CKS2: variants seen among roughly 807,000 people sequenced by gnomAD.
CKS2 encodes the protein cyclin-dependent kinases regulatory subunit 2.
Under a neutral mutation model 14.3 loss-of-function variants are expected in CKS2, and 4 were observed. The ratio of observed to expected loss-of-function variants is 0.28; its 90% CI spans 0.14 to 0.64. The LOEUF (loss-of-function observed/expected upper bound fraction) is 0.64, where lower values mean the gene tolerates loss of function less well. CKS2 is among the 30% of genes least tolerant of loss of function. CKS2 has a pLI of 0.83. For synonymous variants in CKS2, 33 were observed against 28.7 expected (o/e 1.15, Z -0.48); for missense variants, 71 against 94.3 (o/e 0.75, Z 1.02).
intron 2 of CKS2, among the ~76,000 whole-genome samples, chr9:89,315,750 T>C (rs1473043234): frequency 6.6e-6 from 1 of 152,182 alleles, no homozygotes; most frequent in Non-Finnish European, 1.5e-5. Flanking sequence ...ATGGGTACCT[T>C]ATGCTATTAT....
Position 89,311,221 on chromosome 9 carries a change from G to A in CKS2, c.-72G>A, listed in dbSNP as rs1294340845. ...TTAGTCTCCGGCGAGTTGTTGCCTG[G>A]GCTGGACGTGGTTTTGTCTGCTGCG... On this transcript the variant is annotated 5_prime_UTR_variant, in exon 1 of 3. Transcript: ENST00000314355. The A allele has an allele frequency of 2.3e-6, 3 of 1,294,554 alleles. No individual in the cohort carries two copies. The highest frequency in any genetic ancestry group is 2.5e-5 in the South Asian group (2 of 81,568). The allele number at this position is 1,294,554 out of a possible 1,614,324, so 80.2% of individuals were successfully genotyped here.
rs886583945 is a variant in CKS2, at chr9:89,316,512, C to T, written c.*87C>T. 3.8e-5 allele frequency: 32 copies of T among 849,246 alleles called. No individual in the cohort carries two copies. The highest frequency in any genetic ancestry group is 5.6e-5 in the Non-Finnish European group (29 of 514,974). The allele number at this position is 849,246 out of a possible 1,614,324, so 52.6% of individuals were successfully genotyped here. A position where few individuals can be genotyped will look rare whatever the true frequency, so the allele number is the denominator to read the frequency against. On this transcript the variant is annotated 3_prime_UTR_variant, in exon 3 of 3. Transcript: ENST00000314355. ...ATTCAGTGAATACTTGAGAAATGTA[C>T]AAATCTTTCATCCATACCTGTGCAT...
intron 2 of CKS2, among the ~76,000 whole-genome samples, chr9:89,315,916 A>G (rs1427311762): frequency 6.6e-6 from 1 of 152,230 alleles, no homozygotes; most frequent in Non-Finnish European, 1.5e-5. Context: ...TTGAAGACAT[A>G]CTATAGAAGC....
chr9:89,315,070 A>C (rs1824682760), intron 1 of CKS2, 100 bp from the exon 2 acceptor site: 1 of 969,916 alleles, frequency 1.0e-6, no homozygotes, highest in Admixed American at 2.6e-5. Flanking sequence ...AGTAGATTGC[A>C]GTTCTCAATA....
intron 2 of CKS2, 104 bp from the exon 3 acceptor site, chr9:89,316,269 T>C: frequency 6.8e-6 from 5 of 737,922 alleles, no homozygotes; most frequent in Non-Finnish European, 1.2e-5. Flanking sequence ...CAATTAATAG[T>C]GGACTTAGTT....
intron 2 of CKS2, 44 bp from the exon 3 acceptor site, chr9:89,316,329 A>G: frequency 8.0e-7 from 1 of 1,248,362 alleles, no homozygotes; most frequent in African/African-American, 1.5e-5. Context: ...TGTTGAGTAT[A>G]TGAAAATCAT....
intron 2 of CKS2, among the ~76,000 whole-genome samples, chr9:89,316,080 A>G (rs774336902): frequency 6.6e-5 from 10 of 152,200 alleles, no homozygotes; most frequent in Non-Finnish European, 1.0e-4. Flanking sequence ...GAAGAACTTA[A>G]GTGTAGATTT....
At chr9:89,316,240 C>T (rs868412905) in intron 2 of CKS2, 133 bp from the exon 3 acceptor site, 18 of 613,854 alleles carry the variant, frequency 2.9e-5, no homozygotes, top group African/African-American at 1.9e-5. Flanking sequence ...AAAAAAAAAT[C>T]ATTTTGGATA....
In CKS2 at chr9:89,316,494, G is replaced by A; in HGVS notation, c.*69G>A. On this transcript the variant is annotated 3_prime_UTR_variant, in exon 3 of 3. Transcript: ENST00000314355. Reference sequence around the variant, plus strand: ...ATGTGTATATAAGGTAGTATTCAGTGAATACTTGAGAAATGTACAAATCTT... The same window carrying A: ...ATGTGTATATAAGGTAGTATTCAGTAAATACTTGAGAAATGTACAAATCTT... The A allele has an allele frequency of 1.1e-6, 1 of 925,772 alleles. No homozygotes were observed. The allele number at this position is 925,772 out of a possible 1,614,324, so 57.3% of individuals were successfully genotyped here.
At position 89,311,196 on chromosome 9, in the gene CKS2, T is replaced by C; in HGVS notation, c.-97T>C. On this transcript the variant is annotated 5_prime_UTR_variant, in exon 1 of 3. Coordinates refer to ENST00000314355, the MANE Select transcript of CKS2 (RefSeq NM_001827.3). The stretch of plus-strand genomic sequence containing the variant: ...ATCCGGATCGTTGGGACTGCGGTCG[T>C]TAGTCTCCGGCGAGTTGTTGCCTGG... 2.1e-6 allele frequency: 2 copies of C among 961,742 alleles called. No homozygotes were observed. The highest frequency in any genetic ancestry group is 3.2e-6 in the Non-Finnish European group (2 of 617,670). 59.6% of individuals were successfully genotyped at this position (961,742 alleles called of 1,614,324 possible).
At position 89,311,220 on chromosome 9, in the gene CKS2, G is replaced by C. The variant is rs1238169166; in HGVS notation, c.-73G>C. ...GTTAGTCTCCGGCGAGTTGTTGCCT[G>C]GGCTGGACGTGGTTTTGTCTGCTGC... On this transcript the variant is annotated 5_prime_UTR_variant, in exon 1 of 3. Transcript: ENST00000314355. 1.3e-5 allele frequency: 17 copies of C among 1,281,694 alleles called. No homozygotes were observed. The highest frequency in any genetic ancestry group is 4.9e-5 in the East Asian group (2 of 40,764). The allele number at this position is 1,281,694 out of a possible 1,614,324, so 79.4% of individuals were successfully genotyped here.
chr9:89,316,521 C>T lies in CKS2; in HGVS notation c.*96C>T, dbSNP rs1035120980. ...ATACTTGAGAAATGTACAAATCTTTCATCCATACCTGTGCATGAGCTGTAT... is the reference window on the plus strand; with the variant it reads ...ATACTTGAGAAATGTACAAATCTTTTATCCATACCTGTGCATGAGCTGTAT... On this transcript the variant is annotated 3_prime_UTR_variant, in exon 3 of 3. Coordinates refer to ENST00000314355, the MANE Select transcript of CKS2 (RefSeq NM_001827.3). 4.2e-5 allele frequency: 32 copies of T among 766,384 alleles called. No homozygotes were observed. The highest frequency in any genetic ancestry group is 6.7e-5 in the Non-Finnish European group (30 of 447,248). The allele number at this position is 766,384 out of a possible 1,614,324, so 47.5% of individuals were successfully genotyped here.
At chr9:89,314,550 C>T (rs1824673854) in intron 1 of CKS2, among the ~76,000 whole-genome samples, 1 of 152,168 alleles carries the variant, frequency 6.6e-6, no homozygotes, top group South Asian at 2.1e-4. Flanking sequence ...CATACAAGGA[C>T]TAGTAGCTAC....
At chr9:89,315,350 A>G (rs891561742) in intron 2 of CKS2, 53 bp downstream of exon 2, 119 of 1,411,370 alleles carry the variant, frequency 8.4e-5, no homozygotes, top group Non-Finnish European at 1.0e-4. Flanking sequence ...ATTGGTGGTT[A>G]TGGTTGTCAA....
chr9:89,315,406 G>T (rs1301731963), intron 2 of CKS2, 109 bp downstream of exon 2: 3 of 963,860 alleles, frequency 3.1e-6, no homozygotes, highest in East Asian at 3.2e-5. Flanking sequence ...GAAAGTAACT[G>T]TTCTGATAAG....
At chr9:89,311,452 G>T (rs1260120758) in intron 1 of CKS2, 101 bp downstream of exon 1, 4 of 805,668 alleles carry the variant, frequency 5.0e-6, no homozygotes, top group Non-Finnish European at 7.4e-6. Context: ...GCCGGGGCCT[G>T]GGGGGCGGAG....
Position 89,316,447 on chromosome 9 carries a change from A to G in CKS2, c.*22A>G, listed in dbSNP as rs778794322. ...ATGAAGTTTATCTGGGGATCGTCAA[A>G]TCTTTTTCAAATTTAATGTATATGT... On this transcript the variant is annotated 3_prime_UTR_variant, in exon 3 of 3. Coordinates refer to ENST00000314355, the MANE Select transcript of CKS2 (RefSeq NM_001827.3). 2.0e-6 allele frequency: 3 copies of G among 1,491,724 alleles called. No individual in the cohort carries two copies. Among genetic ancestry groups the G allele is most frequent in the South Asian group, 1.2e-5 (1 of 86,004 alleles). The allele number at this position is 1,491,724 out of a possible 1,614,324, so 92.4% of individuals were successfully genotyped here. A position where few individuals can be genotyped will look rare whatever the true frequency, so the allele number is the denominator to read the frequency against.
At chr9:89,311,395 GCCC>G (rs1309362777) in intron 1 of CKS2, 44 bp downstream of exon 1, 2 of 1,528,086 alleles carry the variant, frequency 1.3e-6, no homozygotes, top group Admixed American at 3.8e-5. Flanking sequence ...CTCAGCCGGG[GCCC>G]CCGCGGGCGG....
In CKS2 at chr9:89,311,216, G is replaced by C. The variant is rs541610603; in HGVS notation, c.-77G>C. 39 of 1,224,886 alleles carry C rather than the reference G, an allele frequency of 3.2e-5. 1 individual carries two copies. The highest frequency in any genetic ancestry group is 2.4e-4 in the African/African-American group (16 of 66,336). 75.9% of individuals were successfully genotyped at this position (1,224,886 alleles called of 1,614,324 possible). The stretch of plus-strand genomic sequence containing the variant: ...GGTCGTTAGTCTCCGGCGAGTTGTT[G>C]CCTGGGCTGGACGTGGTTTTGTCTG... On this transcript the variant is annotated 5_prime_UTR_variant, in exon 1 of 3. Coordinates refer to ENST00000314355, the MANE Select transcript of CKS2 (RefSeq NM_001827.3).
Sources: gnomAD v4.1 joint callset for allele counts (sites outside exome capture counted in the v4.1 genomes callset) on GRCh38, gnomAD v4.1.1 for gene constraint, MANE v1.5 for transcripts, NCBI Gene and HGNC (gene_info 2026-07-23, HGNC 2026-07-21) for gene names.